CFAP276: variants seen among roughly 807,000 people sequenced by gnomAD.
CFAP276 encodes cilia and flagella associated protein 276.
chr1:109,113,658 C>A, the CFAP276 span: 1 of 1,614,166 alleles, frequency 6.2e-7, no homozygotes, highest in Non-Finnish European at 8.5e-7. Context: ...GCGACGACGT[C>A]TGGAGGGTGA....
At chr1:109,112,717 C>T in the CFAP276 span, 1 of 1,546,906 alleles carries the variant, frequency 6.5e-7, no homozygotes, top group Non-Finnish European at 8.7e-7. Flanking sequence ...GATGGGAGGC[C>T]CGCTCAGCCG....
At chr1:109,107,713 A>C in the CFAP276 span, among the ~76,000 whole-genome samples, 25 of 142,818 alleles carry the variant, frequency 1.8e-4, no homozygotes, top group Middle Eastern at 7.1e-3. Flanking sequence ...ACATATCGAG[A>C]CCTCATCTCT....
the CFAP276 span, among the ~76,000 whole-genome samples, chr1:109,110,670 C>T: frequency 6.6e-6 from 1 of 152,200 alleles, no homozygotes; most frequent in South Asian, 2.1e-4. Context: ...AGCTGATTCC[C>T]TTCCATGGCT....
chr1:109,113,429 A>ACCCT, the CFAP276 span, among the ~76,000 whole-genome samples: 3 of 101,440 alleles, frequency 3.0e-5, no homozygotes, highest in African/African-American at 6.8e-5. Flanking sequence ...AGAGAGAGAG[A>ACCCT]GAGAGAGAGA....
At chr1:109,106,620 G>A in the CFAP276 span, 5 of 1,613,862 alleles carry the variant, frequency 3.1e-6, no homozygotes, top group South Asian at 2.2e-5. Context: ...TGGGTGGAGT[G>A]GGAGGGGTTA....
the CFAP276 span, chr1:109,106,058 T>C: frequency 1.2e-6 from 2 of 1,613,844 alleles, no homozygotes; most frequent in Non-Finnish European, 1.7e-6. Context: ...CATCTTTCTT[T>C]CGGGAGTAGC....
chr1:109,108,304 G>A, the CFAP276 span, among the ~76,000 whole-genome samples: 11 of 152,066 alleles, frequency 7.2e-5, no homozygotes, highest in South Asian at 2.1e-4. Context: ...CACTATGCCC[G>A]GCTAATTTTT....
At chr1:109,107,189 T>A in the CFAP276 span, 3 of 1,219,040 alleles carry the variant, frequency 2.5e-6, no homozygotes, top group Non-Finnish European at 3.6e-6. Flanking sequence ...CAGGTTCTAT[T>A]GTGCTCTACT....
the CFAP276 span, among the ~76,000 whole-genome samples, chr1:109,107,540 G>A: frequency 6.6e-6 from 1 of 152,124 alleles, no homozygotes; most frequent in African/African-American, 2.4e-5. Context: ...TAGGATCTTG[G>A]GTTAGAGACA....
chr1:109,111,609 G>A, the CFAP276 span, among the ~76,000 whole-genome samples: 1 of 152,076 alleles, frequency 6.6e-6, no homozygotes, highest in African/African-American at 2.4e-5. Flanking sequence ...TCCATTGCAC[G>A]CCTACACTCC....
chr1:109,107,210 AG>A, the CFAP276 span: 85 of 939,416 alleles, frequency 9.0e-5, no homozygotes, highest in Non-Finnish European at 1.3e-4. Flanking sequence ...CTTCCCCAAA[AG>A]TATAGTGAAG....
At chr1:109,109,271 A>G in the CFAP276 span, among the ~76,000 whole-genome samples, 10 of 151,862 alleles carry the variant, frequency 6.6e-5, no homozygotes, top group Admixed American at 6.6e-4. Flanking sequence ...CAACATGATG[A>G]AACTCCATCT....
chr1:109,113,451 A>AGAGT, the CFAP276 span, among the ~76,000 whole-genome samples: 7 of 120,466 alleles, frequency 5.8e-5, no homozygotes, highest in East Asian at 2.1e-3. Context: ...AGAGAGAGAG[A>AGAGT]GAGAGAGAGA....
the CFAP276 span, among the ~76,000 whole-genome samples, chr1:109,110,966 C>G: frequency 6.6e-6 from 1 of 152,318 alleles, no homozygotes; most frequent in Middle Eastern, 3.4e-3. Context: ...TCTCCAAGTC[C>G]TGTCAGTCCT....
the CFAP276 span, chr1:109,106,480 A>G: frequency 4.4e-6 from 7 of 1,589,452 alleles, no homozygotes; most frequent in Non-Finnish European, 6.0e-6. Flanking sequence ...TCATGGGTCC[A>G]TTTAGAAAGA....
the CFAP276 span, chr1:109,112,733 C>T: frequency 1.3e-6 from 2 of 1,542,994 alleles, no homozygotes; most frequent in South Asian, 1.2e-5. Flanking sequence ...AGCCGCAGCA[C>T]AGCCTCACTG....
the CFAP276 span, chr1:109,112,486 C>T: frequency 4.3e-6 from 6 of 1,394,542 alleles, 1 homozygote; most frequent in South Asian, 4.6e-5. Context: ...TTCCCTGGTA[C>T]CCGACTGAGT....
the CFAP276 span, among the ~76,000 whole-genome samples, chr1:109,110,064 G>A: frequency 0.013 from 1,998 of 152,296 alleles, 44 homozygotes; most frequent in African/African-American, 0.045. Flanking sequence ...AGTCCAGACT[G>A]TCAAGCATGA....
the CFAP276 span, chr1:109,106,059 C>A: frequency 6.2e-7 from 1 of 1,613,716 alleles, no homozygotes; most frequent in African/African-American, 1.3e-5. Context: ...ATCTTTCTTT[C>A]GGGAGTAGCC....
Sources: allele counts gnomAD v4.1 joint callset (sites outside exome capture counted in the v4.1 genomes callset), GRCh38; gene constraint gnomAD v4.1.1; transcripts MANE v1.5; gene names NCBI Gene and HGNC (gene_info 2026-07-23, HGNC 2026-07-21).